Variants in EPB41L3 observed in about 807,000 individuals in gnomAD.
EPB41L3 encodes the protein erythrocyte membrane protein band 4.1 like 3, also known as band 4.1-like protein 3.
Under a neutral mutation model 127.1 loss-of-function variants are expected in EPB41L3, and 57 were observed. The observed-to-expected ratio is 0.45, with a 90% confidence interval of 0.36 to 0.56. EPB41L3 has a LOEUF of 0.56. Among genes scored for constraint, EPB41L3 ranks in the 20% least tolerant of loss-of-function variants. The probability of loss-of-function intolerance (pLI) is 0.00; values close to 1 mark genes in which losing one functional copy is unlikely to be tolerated. For missense variants in EPB41L3, 1,273 were observed against 1,372.2 expected (o/e 0.93, Z 1.14); for synonymous variants, 572 against 549.5 (o/e 1.04, Z -0.57).
intron 13 of EPB41L3, among the ~76,000 whole-genome samples, chr18:5,412,439 T>C (rs57488169): frequency 0.021 from 3,199 of 152,228 alleles, 95 homozygotes; most frequent in African/African-American, 0.071. Context: ...TTGGCCAGGC[T>C]GGTCTCAAAC....
intron 3 of EPB41L3, among the ~76,000 whole-genome samples, chr18:5,563,394 G>A (rs1353306530): frequency 6.6e-6 from 1 of 152,148 alleles, no homozygotes; most frequent in Non-Finnish European, 1.5e-5. Flanking sequence ...TTAGTGGCAG[G>A]AAGACCAAGT....
chr18:5,403,588 AC>A (rs1214710095), intron 16 of EPB41L3, among the ~76,000 whole-genome samples: 6 of 142,642 alleles, frequency 4.2e-5, no homozygotes, highest in African/African-American at 1.7e-4. Flanking sequence ...TGTCACTGAG[AC>A]CAAAAAAAAA....
intron 1 of EPB41L3, among the ~76,000 whole-genome samples, chr18:5,523,284 C>A (rs1331247401): frequency 1.3e-5 from 2 of 152,122 alleles, no homozygotes; most frequent in Non-Finnish European, 2.9e-5. Context: ...CAAGAGTGGG[C>A]CCCTTCCAAT....
chr18:5,418,104 A>C (rs1381344907), intron 12 of EPB41L3, among the ~76,000 whole-genome samples: 1 of 152,234 alleles, frequency 6.6e-6, no homozygotes, highest in Non-Finnish European at 1.5e-5. Context: ...TATTAAAGTC[A>C]TTTCTAGAAG....
upstream of EPB41L3, chr18:5,630,524 A>G: frequency 1.9e-6 from 1 of 517,862 alleles, no homozygotes; most frequent in Non-Finnish European, 3.9e-6. Context: ...TTTCCTTCGA[A>G]TTCTCCGGGG....
rs148878391 is a variant in EPB41L3, at chr18:5,521,872, C to T, written c.-12+22041G>A. Among the ~76,000 whole-genome samples the T allele has an allele frequency of 6.9e-3, 1,054 of 152,226 alleles. 13 individuals are homozygous for T. The highest frequency in any genetic ancestry group is 0.025 in the African/African-American group (1,018 of 41,522). ...GAATAAGTGAATAAATGTAAAATGA[C>T]TAACTCAGTGGGCACTTGAAATATT... On this transcript the variant is annotated intron_variant, in intron 1 of 22. Coordinates refer to ENST00000341928, the MANE Select transcript of EPB41L3 (RefSeq NM_012307.5).
chr18:5,620,855 CT>C (rs757106551), intron 1 of EPB41L3, among the ~76,000 whole-genome samples: 3 of 152,254 alleles, frequency 2.0e-5, no homozygotes, highest in South Asian at 4.2e-4. Flanking sequence ...GGCCATCAAA[CT>C]TTCCCCACCC....
intron 16 of EPB41L3, among the ~76,000 whole-genome samples, chr18:5,404,935 T>C (rs2075115286): frequency 6.6e-6 from 1 of 152,236 alleles, no homozygotes; most frequent in Admixed American, 6.5e-5. Flanking sequence ...AGGACTATTA[T>C]ATTTAAATCA....
At chr18:5,430,229 C>T (rs1425976019) in intron 8 of EPB41L3, among the ~76,000 whole-genome samples, 1 of 152,188 alleles carries the variant, frequency 6.6e-6, no homozygotes, top group Non-Finnish European at 1.5e-5. Context: ...GTCCCCAAAT[C>T]AAACTGTTAT....
chr18:5,622,747 T>A (rs1209621135), intron 1 of EPB41L3, among the ~76,000 whole-genome samples: 1 of 152,194 alleles, frequency 6.6e-6, no homozygotes, highest in African/African-American at 2.4e-5. Context: ...TGATCTTTGC[T>A]CCCACAGACT....
At chr18:5,616,899 G>C (rs1021753619) in intron 1 of EPB41L3, among the ~76,000 whole-genome samples, 16 of 152,236 alleles carry the variant, frequency 1.1e-4, no homozygotes, top group Middle Eastern at 3.4e-3. Flanking sequence ...ATAGACATTT[G>C]TGTTGTTTCC....
intron 3 of EPB41L3, among the ~76,000 whole-genome samples, chr18:5,605,515 G>A (rs1452951998): frequency 6.6e-6 from 1 of 152,010 alleles, no homozygotes; most frequent in Non-Finnish European, 1.5e-5. Context: ...AGCAGCTGGG[G>A]CTACAAGTAC....
intron 11 of EPB41L3, among the ~76,000 whole-genome samples, chr18:5,420,995 T>C (rs758531195): frequency 6.6e-6 from 1 of 152,194 alleles, no homozygotes; most frequent in East Asian, 1.9e-4. Context: ...AATGGACCAG[T>C]TAGGCCATTC....
At position 5,469,504 on chromosome 18, in the gene EPB41L3, C is replaced by T. The variant is rs76497842; in HGVS notation, c.381+8737G>A. 4.6e-3 allele frequency among the ~76,000 whole-genome samples: 701 copies of T among 152,324 alleles called. 3 individuals are homozygous for T. Among genetic ancestry groups the T allele is most frequent in the African/African-American group, 0.016 (648 of 41,578 alleles). On this transcript the variant is annotated intron_variant, in intron 3 of 22. Transcript: ENST00000341928. ...AGTGGCTGGACCCCGCACTTGCTTG[C>T]TCATGCACCGATCATCACTCCACAC...
intron 1 of EPB41L3, among the ~76,000 whole-genome samples, chr18:5,530,643 G>T (rs1051317113): frequency 6.6e-6 from 1 of 151,858 alleles, no homozygotes; most frequent in African/African-American, 2.4e-5. Flanking sequence ...AGTCACCTCC[G>T]ACACCCTCCT....
intron 1 of EPB41L3, among the ~76,000 whole-genome samples, chr18:5,514,662 G>GA (rs34761478): frequency 0.02 from 3,100 of 152,170 alleles, 66 homozygotes; most frequent in East Asian, 0.096. Flanking sequence ...AACCTCTTAT[G>GA]AAAAATGCTA....
intron 1 of EPB41L3, among the ~76,000 whole-genome samples, chr18:5,499,104 TC>T (rs1364870346): frequency 6.9e-6 from 1 of 145,590 alleles, no homozygotes; most frequent in Non-Finnish European, 1.5e-5. Flanking sequence ...AGCTAGTCAC[TC>T]GGAAGACACA....
chr18:5,420,510 AC>A (rs1190394822), intron 11 of EPB41L3, among the ~76,000 whole-genome samples: 1 of 152,232 alleles, frequency 6.6e-6, no homozygotes. Flanking sequence ...CACCTAAAGT[AC>A]AGAAATGTTT....
chr18:5,613,298 T>C (rs536763411), intron 2 of EPB41L3, among the ~76,000 whole-genome samples: 1 of 152,282 alleles, frequency 6.6e-6, no homozygotes, highest in South Asian at 2.1e-4. Context: ...ATGATGCCCA[T>C]AAAAGACCTT....
Sources: gnomAD v4.1 joint callset for allele counts (sites outside exome capture counted in the v4.1 genomes callset) on GRCh38, gnomAD v4.1.1 for gene constraint, MANE v1.5 for transcripts, NCBI Gene and HGNC (gene_info 2026-07-23, HGNC 2026-07-21) for gene names.